The following GRID2 variants were observed in gnomAD, a reference collection of about 807,000 sequenced individuals.
GRID2 encodes the protein glutamate receptor ionotropic, delta-2.
A neutral mutation model predicts 114.8 loss-of-function variants in GRID2; 33 were observed. The observed-to-expected ratio is 0.29, with a 90% CI of 0.22 to 0.38. The LOEUF is 0.38. GRID2 is among the 10% of genes least tolerant of loss of function. The pLI is 1.00. For missense variants in GRID2, 1,184 were observed against 1,257.7 expected (o/e 0.94, Z 0.89); for synonymous variants, 505 against 449.9 (o/e 1.12, Z -1.55).
intron 2 of GRID2, among the ~76,000 whole-genome samples, chr4:93,081,154 T>C (rs1009047028): frequency 2.0e-5 from 3 of 152,128 alleles, no homozygotes; most frequent in Admixed American, 1.3e-4. Flanking sequence ...AAAGTCCTGA[T>C]GTGTCTTAAA....
intron 8 of GRID2, among the ~76,000 whole-genome samples, chr4:93,335,844 A>G (rs1322665290): frequency 6.6e-6 from 1 of 151,854 alleles, no homozygotes; most frequent in African/African-American, 2.4e-5. Context: ...GACTACAGGC[A>G]CACTATCATA....
chr4:92,571,995 C>T (rs982094199), intron 1 of GRID2, among the ~76,000 whole-genome samples: 1 of 152,014 alleles, frequency 6.6e-6, no homozygotes, highest in Non-Finnish European at 1.5e-5. Context: ...AGAACAAACA[C>T]ATTCAAAAGC....
intron 1 of GRID2, among the ~76,000 whole-genome samples, chr4:92,557,488 T>G (rs1726906468): frequency 6.6e-6 from 1 of 151,388 alleles, no homozygotes; most frequent in Non-Finnish European, 1.5e-5. Context: ...TCCTAACACA[T>G]ATATTTTTTC....
chr4:93,806,612 T>A (rs191337801), intron 1 of GRID2: 226 of 152,334 alleles, frequency 1.5e-3, no homozygotes, highest in African/African-American at 5.1e-3. Flanking sequence ...ACGATGGACA[T>A]TTAAGGTGGA....
intron 14 of GRID2, among the ~76,000 whole-genome samples, chr4:93,673,347 T>G (rs879760816): frequency 1.8e-4 from 27 of 152,358 alleles, no homozygotes; most frequent in East Asian, 7.7e-4. Context: ...TAATTTTTCA[T>G]CTTTGATTTA....
At chr4:92,319,523 A>G (rs1028944753) in intron 1 of GRID2, among the ~76,000 whole-genome samples, 5 of 152,220 alleles carry the variant, frequency 3.3e-5, no homozygotes, top group African/African-American at 1.2e-4. Context: ...TGGCCTGAGG[A>G]TTAGCAGGGG....
rs369541517 is a variant in GRID2 at position 93,125,032 on chromosome 4, G to A, written c.735+14079G>A. Among the ~76,000 whole-genome samples, 22 of 152,028 alleles carry A rather than the reference G, an allele frequency of 1.4e-4. 1 individual carries two copies. The highest frequency in any genetic ancestry group is 5.3e-4 in the African/African-American group (22 of 41,514). On this transcript the variant is annotated intron_variant, in intron 4 of 15. Coordinates refer to ENST00000282020, the MANE Select transcript of GRID2 (RefSeq NM_001510.4). ...AAAAGTGTTAGAAATACTTTAGTCT[G>A]GGTTTTTTTGTTTTGTTTTGTTTTT...
At chr4:92,353,305 G>A (rs146977213) in intron 1 of GRID2, among the ~76,000 whole-genome samples, 149 of 149,490 alleles carry the variant, frequency 1.0e-3, no homozygotes, top group African/African-American at 3.3e-3. Context: ...TAAAGTCTTT[G>A]TCTAGTTTTT....
intron 13 of GRID2, among the ~76,000 whole-genome samples, chr4:93,577,486 G>T (rs1736535139): frequency 6.6e-6 from 1 of 152,158 alleles, no homozygotes; most frequent in African/African-American, 2.4e-5. Context: ...TATGAAGAAA[G>T]AGTATTGAAA....
chr4:93,156,814 G>A (rs1433288274), intron 4 of GRID2, among the ~76,000 whole-genome samples: 1 of 151,564 alleles, frequency 6.6e-6, no homozygotes, highest in East Asian at 1.9e-4. Context: ...GAAACTTATC[G>A]GCCTATTGGT....
chr4:92,472,223 GCGCCC>G lies in GRID2; in HGVS notation c.89-117907_89-117903del, dbSNP rs1459106410. On this transcript the variant is annotated intron_variant, in intron 1 of 15. Transcript: ENST00000282020. ...GCTGGGATTACAGGCGTGAGCCACC[GCGCCC>G]GGCCGTTATCCATATTTCTATGAAT... 9.9e-5 allele frequency among the ~76,000 whole-genome samples: 6 copies of G among 60,846 alleles called. 1 individual carries two copies. Among genetic ancestry groups the G allele is most frequent in the African/African-American group, 2.0e-4 (2 of 10,232 alleles). 39.9% of individuals were successfully genotyped at this position (60,846 alleles called of 152,430 possible).
chr4:92,391,860 C>T (rs927079817), intron 1 of GRID2, among the ~76,000 whole-genome samples: 1 of 152,160 alleles, frequency 6.6e-6, no homozygotes, highest in African/African-American at 2.4e-5. Flanking sequence ...CTCACTCTCT[C>T]CCATTACAGT....
rs1240661536 is a variant in GRID2, at chr4:93,153,319, G to C, written c.735+42366G>C. On this transcript the variant is annotated intron_variant, in intron 4 of 15. Coordinates refer to ENST00000282020, the MANE Select transcript of GRID2 (RefSeq NM_001510.4). ...AAAACACCCTGGCCAAAGTCAAATG[G>C]AGCATTGAATCGGACTTTCATTTTG... Among the ~76,000 whole-genome samples the C allele has an allele frequency of 2.0e-5, 3 of 152,008 alleles. No individual in the cohort carries two copies. In the East Asian group the frequency reaches 5.8e-4, roughly 29 times the overall value.
At chr4:92,713,599 G>A (rs1735388570) in intron 2 of GRID2, among the ~76,000 whole-genome samples, 1 of 148,954 alleles carries the variant, frequency 6.7e-6, no homozygotes, top group Non-Finnish European at 1.5e-5. Flanking sequence ...ACTTGACACT[G>A]GGCAATTTGC....
rs1046717612 is a variant in GRID2, at chr4:93,059,673, T to C, written c.245-25322T>C. On this transcript the variant is annotated intron_variant, in intron 2 of 15. Transcript: ENST00000282020. ...ATTCTATGGATATGCCAAATATTAG[T>C]TTAACGTTTTTCTGTTAAGAAAGAC... is the stretch of plus-strand genomic sequence containing the variant. Among the ~76,000 whole-genome samples, 52 of 152,136 alleles carry C rather than the reference T, an allele frequency of 3.4e-4. 1 individual carries two copies. Among genetic ancestry groups the C allele is most frequent in the African/African-American group, 1.2e-3 (51 of 41,464 alleles).
chr4:93,537,291 T>C (rs952181033), intron 13 of GRID2, among the ~76,000 whole-genome samples: 1 of 151,780 alleles, frequency 6.6e-6, no homozygotes, highest in Non-Finnish European at 1.5e-5. Context: ...TCTTTTAGTG[T>C]TTACATAGCT....
chr4:93,173,353 T>C (rs532873032), intron 4 of GRID2, among the ~76,000 whole-genome samples: 1 of 152,196 alleles, frequency 6.6e-6, no homozygotes, highest in Non-Finnish European at 1.5e-5. Flanking sequence ...GACTAACAGC[T>C]ATGAGTCTTT....
intron 4 of GRID2, among the ~76,000 whole-genome samples, chr4:93,135,993 G>C (rs1339561024): frequency 6.6e-6 from 1 of 152,060 alleles, no homozygotes; most frequent in African/African-American, 2.4e-5. Flanking sequence ...TAACAATCTT[G>C]TAATACAAAC....
At chr4:92,434,509 A>G (rs1732636410) in intron 1 of GRID2, among the ~76,000 whole-genome samples, 1 of 152,184 alleles carries the variant, frequency 6.6e-6, no homozygotes, top group Non-Finnish European at 1.5e-5. Flanking sequence ...TTAAAAGATA[A>G]TCCAAATGAG....
Sources: gnomAD v4.1 joint callset for allele counts (sites outside exome capture counted in the v4.1 genomes callset) on GRCh38, gnomAD v4.1.1 for gene constraint, MANE v1.5 for transcripts, NCBI Gene and HGNC (gene_info 2026-07-23, HGNC 2026-07-21) for gene names.